The following GABRG2 variants were observed in gnomAD, a reference collection of about 807,000 sequenced individuals.
GABRG2 encodes gamma-aminobutyric acid type A receptor subunit gamma2.
In GABRG2, 16 loss-of-function variants were observed where a neutral mutation model predicts 56.4. That is an observed-to-expected ratio of 0.28 (90% CI 0.19 to 0.43). GABRG2 has a LOEUF of 0.43. Ranked by LOEUF, GABRG2 falls within the 20% of genes least tolerant of loss-of-function variation. The pLI, the probability that GABRG2 is intolerant of heterozygous loss-of-function variation, is 1.00. For synonymous variants in GABRG2, 208 were observed against 205.5 expected, an observed-to-expected ratio of 1.01 and a Z score of -0.10; for missense variants, 327 against 582.7, an observed-to-expected ratio of 0.56 and a Z score of 4.52.
chr5:162,151,799 T>G (rs1320197802), intron 9 of GABRG2, 46 bp downstream of exon 9: 1 of 1,516,628 alleles, frequency 6.6e-7, no homozygotes, highest in South Asian at 1.1e-5. Flanking sequence ...AACTGCTAAA[T>G]TTAACTATTA....
chr5:162,078,643 G>T (rs1283661447), intron 1 of GABRG2, among the ~76,000 whole-genome samples: 1 of 151,164 alleles, frequency 6.6e-6, no homozygotes, highest in Non-Finnish European at 1.5e-5. Context: ...CTGACCTCCT[G>T]ATCCACCCGC....
chr5:162,087,863 G>A (rs925007839), intron 1 of GABRG2, among the ~76,000 whole-genome samples: 1 of 151,920 alleles, frequency 6.6e-6, no homozygotes. Context: ...TTTATATATT[G>A]CAAACTAAGT....
At chr5:162,092,920 CCTGGAT>C (rs1385148773) in intron 1 of GABRG2, among the ~76,000 whole-genome samples, 1 of 151,884 alleles carries the variant, frequency 6.6e-6, no homozygotes, top group Non-Finnish European at 1.5e-5. Context: ...GTGTGTTGCC[CCTGGAT>C]CTGGAAAATA....
chr5:162,137,113 C>A (rs1254320622), intron 6 of GABRG2, among the ~76,000 whole-genome samples: 2 of 152,008 alleles, frequency 1.3e-5, no homozygotes, highest in Non-Finnish European at 2.9e-5. Flanking sequence ...ATTTGGAAAT[C>A]TTTTATCCAC....
At chr5:162,070,653 G>A (rs533886273) in intron 1 of GABRG2, among the ~76,000 whole-genome samples, 2 of 152,034 alleles carry the variant, frequency 1.3e-5, no homozygotes, top group Admixed American at 1.3e-4. Flanking sequence ...GAAAAATAAA[G>A]CATCGTAGTG....
chr5:162,094,506 T>A (rs1581343778), intron 2 of GABRG2: 1 of 161,502 alleles, frequency 6.2e-6, no homozygotes, highest in East Asian at 1.8e-4. Flanking sequence ...AGCAGGTAGC[T>A]AGGACAACCC....
intron 1 of GABRG2, among the ~76,000 whole-genome samples, chr5:162,083,846 C>T (rs1023430943): frequency 2.6e-5 from 4 of 151,784 alleles, no homozygotes; most frequent in African/African-American, 7.2e-5. Context: ...CCAAGTTCAA[C>T]GTTTTTTGCC....
chr5:162,091,507 C>T (rs960624865), intron 1 of GABRG2, among the ~76,000 whole-genome samples: 3 of 151,834 alleles, frequency 2.0e-5, no homozygotes, highest in African/African-American at 7.3e-5. Flanking sequence ...AATAACTTCC[C>T]CAAAGTTGTT....
At chr5:162,145,473 A>C (rs942353000) in intron 7 of GABRG2, among the ~76,000 whole-genome samples, 8 of 152,154 alleles carry the variant, frequency 5.3e-5, no homozygotes, top group African/African-American at 1.9e-4. Context: ...ATCAAAATGG[A>C]AGCTGTCTTA....
intron 6 of GABRG2, among the ~76,000 whole-genome samples, chr5:162,133,448 T>A (rs1763897548): frequency 6.6e-6 from 1 of 152,132 alleles, no homozygotes; most frequent in Non-Finnish European, 1.5e-5. Flanking sequence ...TTGCCCTGCG[T>A]TTATGTAAAA....
chr5:162,086,185 A>T (rs2113236355), intron 1 of GABRG2, among the ~76,000 whole-genome samples: 1 of 152,168 alleles, frequency 6.6e-6, no homozygotes, highest in East Asian at 1.9e-4. Context: ...AGCTCCTTTT[A>T]GTATTAACTG....
chr5:162,075,306 A>C (rs76597502), intron 1 of GABRG2, among the ~76,000 whole-genome samples: 10,141 of 152,108 alleles, frequency 0.067, 374 homozygotes, highest in African/African-American at 0.093. Context: ...ATATCCACTG[A>C]TTAACTCACC....
intron 1 of GABRG2, among the ~76,000 whole-genome samples, chr5:162,076,300 C>T (rs1759100973): frequency 6.6e-6 from 1 of 152,162 alleles, no homozygotes; most frequent in Admixed American, 6.5e-5. Context: ...CATTATTTAT[C>T]CCCTGATATA....
At chr5:162,069,435 G>A (rs1286413629) in intron 1 of GABRG2, among the ~76,000 whole-genome samples, 2 of 152,130 alleles carry the variant, frequency 1.3e-5, no homozygotes, top group Non-Finnish European at 2.9e-5. Context: ...AACAAAAGCA[G>A]CTGAAAAGGA....
At chr5:162,152,990 C>T in intron 9 of GABRG2, 103 bp from the exon 10 acceptor site, 4 of 1,339,618 alleles carry the variant, frequency 3.0e-6, no homozygotes, top group Admixed American at 1.7e-5. Context: ...TCCTGAGTAC[C>T]CATTTTCAGA....
intron 1 of GABRG2, among the ~76,000 whole-genome samples, chr5:162,068,617 G>A (rs1758417568): frequency 1.3e-5 from 2 of 152,112 alleles, no homozygotes; most frequent in African/African-American, 4.8e-5. Flanking sequence ...AGGTCAGTCA[G>A]CCAGGTTTTG....
intron 1 of GABRG2, among the ~76,000 whole-genome samples, chr5:162,093,019 T>C (rs1760725863): frequency 1.3e-5 from 2 of 152,136 alleles, no homozygotes; most frequent in African/African-American, 4.8e-5. Flanking sequence ...TCCAGAGTCA[T>C]TCTCAGGTGG....
intron 1 of GABRG2, among the ~76,000 whole-genome samples, chr5:162,074,219 T>C (rs1758904011): frequency 6.6e-6 from 1 of 152,006 alleles, no homozygotes; most frequent in African/African-American, 2.4e-5. Context: ...AGTATTATGA[T>C]ATAAGAGCAC....
intron 6 of GABRG2, among the ~76,000 whole-genome samples, chr5:162,109,420 A>ATATATATATATATTTATTTATT (rs1424412323): frequency 2.5e-4 from 29 of 116,072 alleles, no homozygotes; most frequent in Non-Finnish European, 3.4e-4. Flanking sequence ...ATATATATAT[A>ATATATATATATATTTATTTATT]TATTTATTTA....
Sources: gnomAD v4.1 joint callset for allele counts (sites outside exome capture counted in the v4.1 genomes callset) on GRCh38, gnomAD v4.1.1 for gene constraint, MANE v1.5 for transcripts, NCBI Gene and HGNC (gene_info 2026-07-23, HGNC 2026-07-21) for gene names.